The following RGS5 variants were observed in gnomAD, a reference collection of about 807,000 sequenced individuals.
RGS5 encodes the protein regulator of G-protein signalling 5.
RGS5 carries 20 observed loss-of-function variants against 18.9 expected under a neutral mutation model. The observed-to-expected ratio is 1.06, with a 90% confidence interval of 0.74 to 1.54. RGS5 has a LOEUF of 1.54. Among genes scored for constraint, RGS5 ranks in the 40% most tolerant of loss-of-function variants. The pLI, the probability that RGS5 is intolerant of heterozygous loss-of-function variation, is 0.00. For missense variants in RGS5, 201 were observed against 211.8 expected, an observed-to-expected ratio of 0.95 and a Z score of 0.32; for synonymous variants, 57 against 76.2, an observed-to-expected ratio of 0.75 and a Z score of 1.31.
chr1:163,231,935 G>A (rs1647492520), intron 2 of RGS5, among the ~76,000 whole-genome samples: 1 of 151,886 alleles, frequency 6.6e-6, no homozygotes, highest in South Asian at 2.1e-4. Context: ...TGTAGTTTCT[G>A]TATTTAAGAG....
chr1:163,285,741 A>G (rs1189215239), intron 2 of RGS5, among the ~76,000 whole-genome samples: 1 of 151,776 alleles, frequency 6.6e-6, no homozygotes, highest in Non-Finnish European at 1.5e-5. Flanking sequence ...TTCTCAAGGA[A>G]TCTGGTTGTT....
intron 1 of RGS5, among the ~76,000 whole-genome samples, chr1:163,309,343 A>G (rs1374044454): frequency 6.6e-6 from 1 of 152,206 alleles, no homozygotes; most frequent in African/African-American, 2.4e-5. Flanking sequence ...GTTTGATAGC[A>G]TTGTACCCAT....
chr1:163,255,490 G>A (rs1284118869), intron 2 of RGS5, among the ~76,000 whole-genome samples: 1 of 151,952 alleles, frequency 6.6e-6, no homozygotes, highest in Non-Finnish European at 1.5e-5. Context: ...ACCAAAAAGA[G>A]TCCAGGACCA....
intron 2 of RGS5, among the ~76,000 whole-genome samples, chr1:163,224,789 A>T (rs970146519): frequency 6.6e-6 from 1 of 152,220 alleles, no homozygotes; most frequent in Admixed American, 6.5e-5. Context: ...TCTGATGATT[A>T]GTGATGTAGG....
At chr1:163,159,116 A>G (rs889721280) in intron 3 of RGS5, among the ~76,000 whole-genome samples, 5 of 152,172 alleles carry the variant, frequency 3.3e-5, no homozygotes, top group Non-Finnish European at 5.9e-5. Flanking sequence ...TTGTTCCCTG[A>G]ACATTGCTGT....
intron 2 of RGS5, among the ~76,000 whole-genome samples, chr1:163,250,727 C>T (rs1648085583): frequency 6.6e-6 from 1 of 152,142 alleles, no homozygotes; most frequent in Non-Finnish European, 1.5e-5. Context: ...GTGCCAGTTT[C>T]AGCTAAGCTC....
At chr1:163,288,870 A>G (rs987017570) in intron 2 of RGS5, among the ~76,000 whole-genome samples, 21 of 152,178 alleles carry the variant, frequency 1.4e-4, no homozygotes, top group Admixed American at 2.0e-4. Flanking sequence ...TACTTAGGCA[A>G]CACCATCTGT....
rs1417264272 is a variant in RGS5 at position 163,173,086 on chromosome 1, A to G, written c.45-4718T>C. Among the ~76,000 whole-genome samples, 9 of 152,252 alleles carry G rather than the reference A, an allele frequency of 5.9e-5. No individual in the cohort carries two copies. The East Asian group carries it at 1.7e-3, about 29-fold the overall frequency. On this transcript the variant is annotated intron_variant, in intron 1 of 4. Coordinates refer to ENST00000313961, the MANE Select transcript of RGS5 (RefSeq NM_003617.4). ...TTAATTTGGCATCAAAAACAACACC[A>G]TCCAGAGAAGATAATTTTCTAATTT... is the stretch of plus-strand genomic sequence containing the variant.
At chr1:163,217,753 A>G (rs548127124), upstream of RGS5, 16 of 980,266 alleles carry the variant, frequency 1.6e-5, no homozygotes, top group South Asian at 2.6e-4. Flanking sequence ...CTGAACCTGA[A>G]TTCTACCATT....
At chr1:163,279,994 C>T (rs1648950691) in intron 2 of RGS5, among the ~76,000 whole-genome samples, 1 of 151,810 alleles carries the variant, frequency 6.6e-6, no homozygotes, top group Admixed American at 6.6e-5. Flanking sequence ...TAATGAATAA[C>T]AAAGTTGAAT....
Position 163,146,625 on chromosome 1 carries a change from T to C in RGS5, c.*717A>G. ...TTCATTGTTGATCTTAGGTCATTGA[T>C]TTAAAACAGAATTTGGTGACTATGG... On this transcript the variant is annotated 3_prime_UTR_variant, in exon 5 of 5. Transcript: ENST00000313961. 6.6e-6 allele frequency: 1 copy of C among 152,284 alleles called. No individual in the cohort carries two copies. Among genetic ancestry groups the C allele is most frequent in the Middle Eastern group, 3.4e-3 (1 of 294 alleles). The allele number at this position is 152,284 out of a possible 1,614,324, so 9.4% of individuals were successfully genotyped here.
intron 2 of RGS5, among the ~76,000 whole-genome samples, chr1:163,278,400 ATAAAATTTTTCTCAGACAAG>A (rs1283137788): frequency 1.3e-5 from 2 of 152,160 alleles, no homozygotes; most frequent in Non-Finnish European, 2.9e-5. Flanking sequence ...AAATGGAGAA[ATAAAATTTTTCTCAGACAAG>A]TAAAAACTGA....
upstream of RGS5, among the ~76,000 whole-genome samples, chr1:163,204,061 C>A (rs923532932): frequency 6.6e-6 from 1 of 152,090 alleles, no homozygotes; most frequent in Non-Finnish European, 1.5e-5. Flanking sequence ...TCTTTATATA[C>A]CCTTTTTAGG....
At chr1:163,292,863 G>T (rs538840358) in intron 2 of RGS5, among the ~76,000 whole-genome samples, 479 of 151,930 alleles carry the variant, frequency 3.2e-3, no homozygotes, top group African/African-American at 8.0e-3. Context: ...TTTTAATGGG[G>T]TTTTTTGGTT....
At chr1:163,228,586 C>T (rs914254448) in intron 2 of RGS5, among the ~76,000 whole-genome samples, 10 of 152,194 alleles carry the variant, frequency 6.6e-5, no homozygotes, top group African/African-American at 1.9e-4. Flanking sequence ...CACCTTTTCC[C>T]CATTGTCTTG....
chr1:163,231,371 T>C (rs1342152876), intron 2 of RGS5, among the ~76,000 whole-genome samples: 1 of 152,122 alleles, frequency 6.6e-6, no homozygotes. Flanking sequence ...AGCTGGCTTG[T>C]TAAATTTGTG....
At chr1:163,160,743 T>C (rs1657766187) in intron 3 of RGS5, among the ~76,000 whole-genome samples, 1 of 152,244 alleles carries the variant, frequency 6.6e-6, no homozygotes, top group Admixed American at 6.5e-5. Context: ...GAGAAATATT[T>C]TGTAAATCCT....
intron 1 of RGS5, among the ~76,000 whole-genome samples, chr1:163,210,020 G>A (rs1660065370): frequency 6.6e-6 from 1 of 151,410 alleles, no homozygotes; most frequent in Non-Finnish European, 1.5e-5. Flanking sequence ...GACAGGGTCT[G>A]GCTCTATCAG....
intron 1 of RGS5, chr1:163,212,472 AC>A (rs1005169244): frequency 3.3e-5 from 5 of 152,242 alleles, no homozygotes; most frequent in Admixed American, 2.0e-4. Flanking sequence ...TGGACAAAAC[AC>A]CTAAGTACAT....
Sources: gnomAD v4.1 joint callset for allele counts (sites outside exome capture counted in the v4.1 genomes callset) on GRCh38, gnomAD v4.1.1 for gene constraint, MANE v1.5 for transcripts, NCBI Gene and HGNC (gene_info 2026-07-23, HGNC 2026-07-21) for gene names.